The following DLG3 variants were observed in gnomAD, a reference collection of about 807,000 sequenced individuals.
The protein encoded by DLG3 is disks large homolog 3.
Under a neutral mutation model 64.1 loss-of-function variants are expected in DLG3, and 1 was observed. The ratio of observed to expected loss-of-function variants is 0.02; its 90% CI spans 0.01 to 0.07. The LOEUF (loss-of-function observed/expected upper bound fraction) is 0.07, where lower values mean the gene tolerates loss of function less well. Among genes scored for constraint, DLG3 ranks in the 10% least tolerant of loss-of-function variants. DLG3 has a pLI of 1.00. For synonymous variants in DLG3, 245 were observed against 259.8 expected (o/e 0.94, Z 0.55); for missense variants, 429 against 669.5 (o/e 0.64, Z 3.96).
At chrX:70,461,996 T>C (rs1307188406) in intron 9 of DLG3, among the ~76,000 whole-genome samples, 1 of 108,767 alleles carries the variant, frequency 9.2e-6, no homozygotes, top group Non-Finnish European at 1.9e-5. Flanking sequence ...TTAGAACATA[T>C]CACCCCAAAA....
rs1028145974 is a variant in DLG3, at chrX:70,487,897, C to A, written c.1521-4210C>A. ...AACTCCCAACCTCAGGTGATCCGCC[C>A]GCCTCAGCCTCCCAAAGTGCTAAGA... On this transcript the variant is annotated intron_variant, in intron 10 of 18. Transcript: ENST00000374360. Among the ~76,000 whole-genome samples, 22 of 111,235 alleles carry A rather than the reference C, an allele frequency of 2.0e-4. 1 individual carries two copies. Among genetic ancestry groups the A allele is most frequent in the African/African-American group, 7.2e-4 (22 of 30,609 alleles).
chrX:70,452,661 A>T, intron 7 of DLG3: 1 of 1,200,988 alleles, frequency 8.3e-7, no homozygotes, highest in Non-Finnish European at 1.1e-6. Flanking sequence ...CGGCTTGGCC[A>T]TGGGCTTGGG....
intron 12 of DLG3, among the ~76,000 whole-genome samples, chrX:70,494,040 A>G (rs1235101826): frequency 1.8e-5 from 2 of 112,261 alleles, no homozygotes; most frequent in Non-Finnish European, 3.8e-5. Context: ...CTGTCATCCT[A>G]GAGTGCCTAC....
chrX:70,477,418 C>T (rs989214649), intron 9 of DLG3, among the ~76,000 whole-genome samples: 1 of 112,043 alleles, frequency 8.9e-6, no homozygotes, highest in Non-Finnish European at 1.9e-5. Flanking sequence ...AAACAATCCC[C>T]ACCCAGTGTA....
intron 9 of DLG3, among the ~76,000 whole-genome samples, chrX:70,477,583 G>C (rs1379954954): frequency 9.0e-6 from 1 of 111,227 alleles, no homozygotes; most frequent in East Asian, 2.8e-4. Context: ...ACATTGTCCA[G>C]CTGTTGTCTC....
intron 10 of DLG3, among the ~76,000 whole-genome samples, chrX:70,480,968 G>T (rs2087144446): frequency 8.9e-6 from 1 of 112,298 alleles, no homozygotes; most frequent in Admixed American, 9.4e-5. Context: ...TGGAGACCAT[G>T]ACTGTGTCTA....
At chrX:70,469,739 C>T (rs759177396) in intron 9 of DLG3, among the ~76,000 whole-genome samples, 3 of 111,808 alleles carry the variant, frequency 2.7e-5, no homozygotes, top group South Asian at 3.8e-4. Flanking sequence ...TGAGCCACCG[C>T]GCCAGCCCAT....
chrX:70,451,727 G>C, intron 6 of DLG3, 140 bp from the exon 7 acceptor site: 1 of 705,904 alleles, frequency 1.4e-6, no homozygotes, highest in Non-Finnish European at 2.2e-6. Context: ...GGTGGATGGA[G>C]TGGGGAGGTG....
intron 9 of DLG3, among the ~76,000 whole-genome samples, chrX:70,463,540 A>G (rs1393803364): frequency 8.9e-6 from 1 of 111,829 alleles, no homozygotes; most frequent in East Asian, 2.8e-4. Flanking sequence ...TGATATTGAC[A>G]CTGTTCCTTT....
intron 10 of DLG3, among the ~76,000 whole-genome samples, chrX:70,489,107 T>G (rs1271149019): frequency 5.4e-5 from 6 of 111,746 alleles, no homozygotes; most frequent in Non-Finnish European, 1.9e-5. Flanking sequence ...TTCCCCACTT[T>G]TTTTTTAATT....
At chrX:70,458,473 G>T (rs1379883403) in intron 9 of DLG3, among the ~76,000 whole-genome samples, 1 of 111,223 alleles carries the variant, frequency 9.0e-6, no homozygotes, top group Non-Finnish European at 1.9e-5. Flanking sequence ...TAATTTATTT[G>T]TAGAAACAGG....
chrX:70,469,529 C>G (rs1234650242), intron 9 of DLG3, among the ~76,000 whole-genome samples: 2 of 78,807 alleles, frequency 2.5e-5, no homozygotes, highest in African/African-American at 9.5e-5. Flanking sequence ...TGCAACCTCC[C>G]CCTCCCAGGT....
intron 9 of DLG3, among the ~76,000 whole-genome samples, chrX:70,457,867 G>A (rs746289130): frequency 4.9e-4 from 50 of 102,779 alleles, no homozygotes; most frequent in Middle Eastern, 0.012. Context: ...CACTGTGCCC[G>A]GCCTAAAACT....
chrX:70,501,594 A>G (rs1306195397), intron 18 of DLG3, among the ~76,000 whole-genome samples: 4 of 111,561 alleles, frequency 3.6e-5, no homozygotes, highest in South Asian at 3.8e-4. Context: ...TAAAGAATTC[A>G]TAAATGTCCT....
intron 10 of DLG3, among the ~76,000 whole-genome samples, chrX:70,483,815 A>G (rs765524405): frequency 8.0e-5 from 9 of 112,462 alleles, no homozygotes; most frequent in Non-Finnish European, 9.4e-5. Flanking sequence ...ACACTTCACT[A>G]TGCTAGAATT....
intron 10 of DLG3, among the ~76,000 whole-genome samples, chrX:70,485,679 C>T (rs1443705124): frequency 4.5e-5 from 5 of 111,979 alleles, no homozygotes; most frequent in African/African-American, 6.5e-5. Context: ...CTTTGCGTTC[C>T]GGTTCATTAA....
intron 10 of DLG3, among the ~76,000 whole-genome samples, chrX:70,482,660 G>GGTTTT (rs2087176063): frequency 1.4e-5 from 1 of 69,250 alleles, no homozygotes; most frequent in Non-Finnish European, 2.7e-5. Flanking sequence ...TACATGTGTG[G>GGTTTT]TGTTTTTTTT....
chrX:70,450,531 G>T, intron 5 of DLG3, 108 bp from the exon 6 acceptor site: 1 of 1,025,988 alleles, frequency 9.7e-7, no homozygotes, highest in East Asian at 3.2e-5. Context: ...CACTATACTT[G>T]GGCCTTTGTT....
At chrX:70,495,353 T>G in intron 12 of DLG3, 55 bp from the exon 13 acceptor site, 1 of 1,060,504 alleles carries the variant, frequency 9.4e-7, no homozygotes. Context: ...TCCCTTCCCC[T>G]TCCCCCCTCT....
Sources: allele counts gnomAD v4.1 joint callset (sites outside exome capture counted in the v4.1 genomes callset), GRCh38; gene constraint gnomAD v4.1.1; transcripts MANE v1.5; gene names NCBI Gene and HGNC (gene_info 2026-07-23, HGNC 2026-07-21).